The following CYP11B1 variants were observed in gnomAD, a reference collection of about 807,000 sequenced individuals.
CYP11B1 encodes the protein cytochrome P450 family 11 subfamily B member 1.
CYP11B1 carries 34 observed loss-of-function variants against 48.3 expected under a neutral mutation model. The observed-to-expected ratio is 0.70, with a 90% CI of 0.54 to 0.94. The LOEUF (loss-of-function observed/expected upper bound fraction) is 0.94. Among genes scored for constraint, CYP11B1 ranks in the 40% least tolerant of loss-of-function variants. The probability of loss-of-function intolerance (pLI) is 0.00; values close to 1 mark genes in which losing one functional copy is unlikely to be tolerated. For synonymous variants in CYP11B1, 291 were observed against 262.5 expected (o/e 1.11, Z -1.05); for missense variants, 688 against 657.4 (o/e 1.05, Z -0.51).
chr8:142,873,932 C>CT lies in CYP11B1; in HGVS notation c.*440dup. On this transcript the variant is annotated 3_prime_UTR_variant, in exon 9 of 9. Coordinates refer to ENST00000292427, the MANE Select transcript of CYP11B1 (RefSeq NM_000497.4). ...CTGCAGGAGGGAACTTGACTGGACT[C>CT]TGAGATGCTGGGATCCCGCTTAATG... The CT allele has an allele frequency of 3.8e-6, 1 of 265,902 alleles. No individual in the cohort carries two copies. The highest frequency in any genetic ancestry group is 7.5e-6 in the Non-Finnish European group (1 of 133,988). The allele number at this position is 265,902 out of a possible 1,614,324, so 16.5% of individuals were successfully genotyped here. A position where few individuals can be genotyped will look rare whatever the true frequency, so the allele number is the denominator to read the frequency against.
intron 2 of CYP11B1, chr8:142,877,775 G>A: frequency 6.3e-7 from 1 of 1,597,538 alleles, no homozygotes; most frequent in Non-Finnish European, 8.5e-7. Context: ...AGAGTGCGTG[G>A]GGGCTCCATG....
chr8:142,878,558 G>A (rs1448851750), intron 2 of CYP11B1, among the ~76,000 whole-genome samples: 1 of 152,172 alleles, frequency 6.6e-6, no homozygotes, highest in African/African-American at 2.4e-5. Flanking sequence ...CCTGCCTCCT[G>A]CCCCGGACTG....
intron 5 of CYP11B1, 138 bp downstream of exon 5, chr8:142,876,103 C>T (rs1816938633): frequency 3.0e-6 from 4 of 1,314,446 alleles, no homozygotes; most frequent in South Asian, 2.5e-5. Flanking sequence ...GTGTTTATCA[C>T]ATCACAATCC....
chr8:142,877,744 A>T, intron 2 of CYP11B1: 1 of 1,596,918 alleles, frequency 6.3e-7, no homozygotes, highest in Non-Finnish European at 8.5e-7. Flanking sequence ...TTTGTGCTTC[A>T]TGCCATCCTC....
rs1389783801 is a variant in CYP11B1, at chr8:142,873,395, TC to T, written c.*977del. 1 of 152,152 alleles carries T rather than the reference TC, an allele frequency of 6.6e-6. No homozygotes were observed. Among genetic ancestry groups the T allele is most frequent in the Non-Finnish European group, 1.5e-5 (1 of 68,044 alleles). 9.4% of individuals were successfully genotyped at this position (152,152 alleles called of 1,614,324 possible). A position where few individuals can be genotyped will look rare whatever the true frequency, so the allele number is the denominator to read the frequency against. ...GCCAGTTCAGGAGGGGTCAACTCTC[TC>T]TGCTGGGCTAGGAGCAGATGAGGCC... On this transcript the variant is annotated 3_prime_UTR_variant, in exon 9 of 9. Coordinates refer to ENST00000292427, the MANE Select transcript of CYP11B1 (RefSeq NM_000497.4).
rs1816969264 is a variant in CYP11B1, at chr8:142,876,805, C to T, written c.676G>A (p.Ala226Thr). Residue 226 changes from alanine (A) to threonine (T), a missense_variant, in exon 4 of 9, where the codon GCC (alanine) becomes ACC (threonine). Physicochemically the swap from Ala to Thr is moderately conservative, Grantham distance 58 (BLOSUM62 0). Transcript: ENST00000292427. ...GTGGATTTGAACATGACCTCCAGGG[C>T]ATGGAGGAAGTTCAGGCTGGCAGAA... The part of the protein sequence containing the change: ...PSSASLNFLH[A>T]LEVMFKSTVQ... The T allele has an allele frequency of 8.1e-6, 13 of 1,614,196 alleles. No homozygotes were observed. Among genetic ancestry groups the T allele is most frequent in the Non-Finnish European group, 9.3e-6 (11 of 1,180,032 alleles).
chr8:142,876,301 T>G lies in CYP11B1; in HGVS notation c.894A>C (p.Glu298Asp). 1 of 1,614,172 alleles carries G rather than the reference T, an allele frequency of 6.2e-7. No homozygotes were observed. Among genetic ancestry groups the G allele is most frequent in the Non-Finnish European group, 8.5e-7 (1 of 1,180,030 alleles). The change falls in exon 5 of 9, where the codon GAA (glutamate) becomes GAC (aspartate). Residue 298 changes from glutamate (E) to aspartate (D), a missense_variant. Coordinates refer to ENST00000292427, the MANE Select transcript of CYP11B1 (RefSeq NM_000497.4). ...SIVAELLLNA[E>D]LSPDAIKANS... is the part of the protein sequence containing the mutation. ...TGGCCTTGATGGCATCTGGCGACAG[T>G]TCCGCATTCAACAGGAGCTCCGCCA...
In CYP11B1 at chr8:142,876,797, C is replaced by T. The variant is rs1816968843; in HGVS notation, c.684G>A (p.Glu228=). Residue 228 remains glutamate, a synonymous_variant, in exon 4 of 9, where the codon GAG becomes GAA. Transcript: ENST00000292427. Reference sequence around the variant, plus strand: ...GCTGGACGGTGGATTTGAACATGACCTCCAGGGCATGGAGGAAGTTCAGGC... The same window carrying T: ...GCTGGACGGTGGATTTGAACATGACTTCCAGGGCATGGAGGAAGTTCAGGC... ...SASLNFLHAL[E]VMFKSTVQLM... The T allele has an allele frequency of 6.2e-7, 1 of 1,614,208 alleles. No individual in the cohort carries two copies. Among genetic ancestry groups the T allele is most frequent in the Non-Finnish European group, 8.5e-7 (1 of 1,180,042 alleles).
At position 142,874,962 on chromosome 8, in the gene CYP11B1, G is replaced by A. The variant is rs1212521234; in HGVS notation, c.1393C>T (p.His465Tyr). The A allele has an allele frequency of 6.2e-6, 10 of 1,612,652 alleles. No individual in the cohort carries two copies. The highest frequency in any genetic ancestry group is 3.3e-5 in the Admixed American group (2 of 60,028). The change falls in exon 8 of 9, where the codon CAC becomes TAC. Residue 465 changes from histidine to tyrosine, a missense_variant. His to Tyr is a moderately conservative substitution (Grantham distance 83). Coordinates refer to ENST00000292427, the MANE Select transcript of CYP11B1 (RefSeq NM_000497.4). ...CCCAGCCCGGGCCTGCTCACATGGT[G>A]CAGCAGCAGCAGCATCTCTGCCTCT... ...LAEAEMLLLL[H>Y]HVLKHLQVET...
At chr8:142,878,894 C>T (rs1229291555) in intron 2 of CYP11B1, 138 bp downstream of exon 2, 7 of 1,331,646 alleles carry the variant, frequency 5.3e-6, no homozygotes, top group Admixed American at 2.0e-5. Context: ...ACGGAATGGC[C>T]GTCCTCTGGG....
At chr8:142,876,515 G>C (rs528479332) in intron 4 of CYP11B1, 120 bp from the exon 5 acceptor site, 244 of 1,542,548 alleles carry the variant, frequency 1.6e-4, no homozygotes, top group Non-Finnish European at 2.0e-4. Context: ...CAAATTCTCC[G>C]GATCAGCCCA....
intron 2 of CYP11B1, 53 bp downstream of exon 2, chr8:142,878,979 C>T (rs756538930): frequency 1.4e-5 from 23 of 1,606,684 alleles, no homozygotes; most frequent in Non-Finnish European, 1.9e-5. Flanking sequence ...CTCTCGCCTC[C>T]CCCCTACACC....
chr8:142,875,609 G>A lies in CYP11B1; in HGVS notation c.1121+103C>T, dbSNP rs537595939. The stretch of plus-strand genomic sequence containing the variant: ...GCAGGTGCAGGGGAATGGGCTGCTG[G>A]GTGACGCTGTTTATCAGCCCCAGAT... On this transcript the variant is annotated intron_variant, in intron 6 of 8. Coordinates refer to ENST00000292427, the MANE Select transcript of CYP11B1 (RefSeq NM_000497.4). The A allele has an allele frequency of 2.4e-5, 32 of 1,314,680 alleles. No homozygotes were observed. In the African/African-American group the frequency reaches 4.2e-4, roughly 17 times the overall value. The allele number at this position is 1,314,680 out of a possible 1,614,324, so 81.4% of individuals were successfully genotyped here. A position where few individuals can be genotyped will look rare whatever the true frequency, so the allele number is the denominator to read the frequency against.
At position 142,879,737 on chromosome 8, in the gene CYP11B1, G is replaced by T. The variant is rs139569725; in HGVS notation, c.77C>A (p.Thr26Lys). The change falls in exon 1 of 9, where the codon ACG (threonine) becomes AAG (lysine). Residue 26 changes from threonine (T) to lysine (K), a missense_variant. Coordinates refer to ENST00000292427, the MANE Select transcript of CYP11B1 (RefSeq NM_000497.4). ...LSLQRAQALG[T>K]RAARVPRTVL... ...TGTCCTGGGGACCCGGGCGGCTCTC[G>T]TGCCCAGTGCCTGTGCCCTTTGCAG... The T allele has an allele frequency of 1.2e-6, 2 of 1,614,202 alleles. No homozygotes were observed. The highest frequency in any genetic ancestry group is 3.3e-5 in the Admixed American group (2 of 60,030).
Position 142,876,731 on chromosome 8 carries a change from G to A in CYP11B1, c.750C>T (p.Pro250=). ...MPRSLSRWTS[P]KVWKEHFEAW... ...CCTCAAAGTGCTCCTTCCACACCTT[G>A]GGGCTGGTCCAGCGAGACAGGCTCC... is the stretch of plus-strand genomic sequence containing the variant. The change falls in exon 4 of 9, where the codon CCC becomes CCT. Residue 250 remains proline (P), a synonymous_variant. Coordinates refer to ENST00000292427, the MANE Select transcript of CYP11B1 (RefSeq NM_000497.4). 6.2e-7 allele frequency: 1 copy of A among 1,613,984 alleles called. No individual in the cohort carries two copies. The highest frequency in any genetic ancestry group is 1.3e-5 in the African/African-American group (1 of 75,032).
Position 142,879,163 on chromosome 8 carries a change from C to T in CYP11B1, c.264G>A (p.Met88Ile), listed in dbSNP as rs193922539. ...IFRYDLGGAG[M>I]VCVMLPEDVE... ...CGTCCTCCGGCAGCATCACACACACCATGCCTGCTCCTCCCAAGTCGTACC... is the reference window on the plus strand; with the variant it reads ...CGTCCTCCGGCAGCATCACACACACTATGCCTGCTCCTCCCAAGTCGTACC... The change falls in exon 2 of 9, where the codon ATG (methionine) becomes ATA (isoleucine). Residue 88 changes from methionine (M) to isoleucine (I), a missense_variant. Physicochemically the swap from Met to Ile is conservative, Grantham distance 10. Transcript: ENST00000292427. 23 of 1,613,824 alleles carry T rather than the reference C, an allele frequency of 1.4e-5. No homozygotes were observed. Among genetic ancestry groups the T allele is most frequent in the Admixed American group, 1.7e-5 (1 of 59,988 alleles).
chr8:142,873,473 G>A lies in CYP11B1; in HGVS notation c.*900C>T, dbSNP rs370687720. The A allele has an allele frequency of 6.6e-6, 1 of 152,220 alleles. No individual in the cohort carries two copies. The highest frequency in any genetic ancestry group is 1.5e-5 in the Non-Finnish European group (1 of 68,070). The allele number at this position is 152,220 out of a possible 1,614,324, so 9.4% of individuals were successfully genotyped here. A position where few individuals can be genotyped will look rare whatever the true frequency, so the allele number is the denominator to read the frequency against. On this transcript the variant is annotated 3_prime_UTR_variant, in exon 9 of 9. Transcript: ENST00000292427. ...AGCCTCCCTGTGCCCACCCCAGGTCGTGGCACATGACATGGCTCCGTATCA... is the reference window on the plus strand; with the variant it reads ...AGCCTCCCTGTGCCCACCCCAGGTCATGGCACATGACATGGCTCCGTATCA...
Position 142,879,639 on chromosome 8 carries a change from G to T in CYP11B1, c.175C>A (p.Gln59Lys). The T allele has an allele frequency of 6.2e-7, 1 of 1,614,220 alleles. No individual in the cohort carries two copies. The highest frequency in any genetic ancestry group is 8.5e-7 in the Non-Finnish European group (1 of 1,180,038). Residue 59 changes from glutamine to lysine, a missense_variant, in exon 1 of 9, where the codon CAG (glutamine) becomes AAG (lysine). Transcript: ENST00000292427. Reference protein sequence around the residue: ...WLRLLQIWREQGYEDLHLEVH... With the variant: ...WLRLLQIWREKGYEDLHLEVH... ...TCCAGGTGCAGGTCCTCATAACCCTGCTCCCTCCAGATCTGCAGCAGCCTC... is the reference window on the plus strand; with the variant it reads ...TCCAGGTGCAGGTCCTCATAACCCTTCTCCCTCCAGATCTGCAGCAGCCTC...
chr8:142,876,743 G>A lies in CYP11B1; in HGVS notation c.738C>T (p.Arg246=), dbSNP rs562589437. Residue 246 remains arginine (R), a synonymous_variant, in exon 4 of 9, where the codon CGC becomes CGT. Coordinates refer to ENST00000292427, the MANE Select transcript of CYP11B1 (RefSeq NM_000497.4). ...QLMFMPRSLS[R]WTSPKVWKEH... Reference sequence around the variant, plus strand: ...CCTTCCACACCTTGGGGCTGGTCCAGCGAGACAGGCTCCTGGGCATGAACA... The same window carrying A: ...CCTTCCACACCTTGGGGCTGGTCCAACGAGACAGGCTCCTGGGCATGAACA... The A allele has an allele frequency of 1.9e-6, 3 of 1,614,054 alleles. No homozygotes were observed. The highest frequency in any genetic ancestry group is 4.5e-5 in the East Asian group (2 of 44,866).
Sources: allele counts gnomAD v4.1 joint callset (sites outside exome capture counted in the v4.1 genomes callset), GRCh38; gene constraint gnomAD v4.1.1; transcripts MANE v1.5; gene names NCBI Gene and HGNC (gene_info 2026-07-23, HGNC 2026-07-21).